The following TRAPPC9 variants were observed in gnomAD, a reference collection of about 807,000 sequenced individuals.
TRAPPC9 encodes trafficking protein particle complex subunit 9.
In TRAPPC9, 83 loss-of-function variants were observed where a neutral mutation model predicts 124.0. The observed-to-expected ratio is 0.67, with a 90% CI of 0.56 to 0.80. The LOEUF is 0.80. TRAPPC9 is among the 30% of genes least tolerant of loss of function. TRAPPC9 has a pLI of 0.00. For synonymous variants in TRAPPC9, 638 were observed against 617.5 expected (o/e 1.03, Z -0.49); for missense variants, 1,302 against 1,508.3 (o/e 0.86, Z 2.27).
Position 140,349,989 on chromosome 8 carries a change from A to G in TRAPPC9, c.1495+10061T>C, listed in dbSNP as rs190382252. On this transcript the variant is annotated intron_variant, in intron 9 of 22. Coordinates refer to ENST00000438773, the MANE Select transcript of TRAPPC9 (RefSeq NM_001160372.4). ...AACCAAGCCTTGCTCTGATTAAGTA[A>G]TCCTTCCCTTAACTCCCTTTTCTAA... is the stretch of plus-strand genomic sequence containing the variant. 1.9e-3 allele frequency among the ~76,000 whole-genome samples: 286 copies of G among 152,238 alleles called. 4 individuals carry two copies. The highest frequency in any genetic ancestry group is 5.6e-4 in the Non-Finnish European group (38 of 68,004).
chr8:139,927,194 G>T (rs776263430), intron 19 of TRAPPC9, among the ~76,000 whole-genome samples: 32 of 152,080 alleles, frequency 2.1e-4, no homozygotes, highest in Non-Finnish European at 4.0e-4. Context: ...GGAAGAACGA[G>T]AACTCTCACA....
chr8:140,182,071 T>C lies in TRAPPC9; in HGVS notation c.2556+39388A>G, dbSNP rs181622549. Among the ~76,000 whole-genome samples, 71 of 152,272 alleles carry C rather than the reference T, an allele frequency of 4.7e-4. No homozygotes were observed. The highest frequency in any genetic ancestry group is 1.7e-3 in the African/African-American group (69 of 41,558). On this transcript the variant is annotated intron_variant, in intron 17 of 22. Coordinates refer to ENST00000438773, the MANE Select transcript of TRAPPC9 (RefSeq NM_001160372.4). This position sits in a 1 kb window ranked among gnomAD's most constrained non-coding sequence, Gnocchi z 4.0. ...CAGGGAGCTGCAGCCTGAACTCCCT[T>C]CTTTACATCAGCATACAAGCCTAGT...
intron 9 of TRAPPC9, among the ~76,000 whole-genome samples, chr8:140,354,266 A>G (rs541490445): frequency 3.1e-4 from 47 of 152,276 alleles, no homozygotes; most frequent in African/African-American, 1.0e-3. Flanking sequence ...GCTTCAGAGG[A>G]TGACAGCTCC....
chr8:139,909,203 A>G (rs1831552774), intron 20 of TRAPPC9, among the ~76,000 whole-genome samples: 1 of 152,182 alleles, frequency 6.6e-6, no homozygotes, highest in South Asian at 2.1e-4. Flanking sequence ...CATGACTGAG[A>G]TCATTAACAG....
At chr8:139,881,685 G>GA (rs201467555) in intron 21 of TRAPPC9, among the ~76,000 whole-genome samples, 1,091 of 101,842 alleles carry the variant, frequency 0.011, 6 homozygotes, top group Middle Eastern at 0.061. Flanking sequence ...CTCTATGCCA[G>GA]AAAAAAACAG....
At chr8:140,207,539 C>T (rs77727495) in intron 17 of TRAPPC9, among the ~76,000 whole-genome samples, 2,818 of 152,228 alleles carry the variant, frequency 0.019, 78 homozygotes, top group African/African-American at 0.064. Context: ...GGTTTTTTTC[C>T]TACTGTCTTC....
chr8:139,952,102 C>T (rs2131511677), intron 19 of TRAPPC9, among the ~76,000 whole-genome samples: 1 of 152,278 alleles, frequency 6.6e-6, no homozygotes, highest in East Asian at 1.9e-4. Flanking sequence ...CCTTCTTACC[C>T]ACAACTTAAG....
intron 21 of TRAPPC9, among the ~76,000 whole-genome samples, chr8:139,789,475 C>G (rs377646824): frequency 1.3e-5 from 2 of 152,188 alleles, no homozygotes; most frequent in African/African-American, 2.4e-5. Flanking sequence ...CCTCATCCCC[C>G]CCCAGGATAT....
chr8:140,407,655 G>C (rs1289357019), intron 5 of TRAPPC9, among the ~76,000 whole-genome samples: 1 of 152,142 alleles, frequency 6.6e-6, no homozygotes, highest in Admixed American at 6.6e-5. Context: ...CCAGGCTGGA[G>C]TGCAGTGGTA....
chr8:139,872,281 T>C (rs75243961), intron 21 of TRAPPC9, among the ~76,000 whole-genome samples: 33,954 of 144,170 alleles, frequency 0.24, 4,750 homozygotes, highest in Admixed American at 0.33. Flanking sequence ...GATGGATGGA[T>C]GGATGGGCGG....
At chr8:140,134,438 G>T (rs2061263464) in intron 17 of TRAPPC9, among the ~76,000 whole-genome samples, 1 of 152,096 alleles carries the variant, frequency 6.6e-6, no homozygotes, top group Non-Finnish European at 1.5e-5. Context: ...GCTAATTTTT[G>T]TGTTTTTAGT....
chr8:140,351,352 T>C (rs1003956300), intron 9 of TRAPPC9, among the ~76,000 whole-genome samples: 1 of 148,008 alleles, frequency 6.8e-6, no homozygotes, highest in Admixed American at 7.1e-5. Flanking sequence ...GGGAAAAAAT[T>C]GCATCTGTGC....
chr8:140,193,535 T>C (rs531977757), intron 17 of TRAPPC9, among the ~76,000 whole-genome samples: 2 of 150,536 alleles, frequency 1.3e-5, no homozygotes, highest in Non-Finnish European at 2.9e-5. Flanking sequence ...ACTGGCAAGT[T>C]TAAGAAGTTC....
chr8:140,008,745 T>C (rs1321186035), intron 18 of TRAPPC9, among the ~76,000 whole-genome samples: 1 of 152,250 alleles, frequency 6.6e-6, no homozygotes, highest in Non-Finnish European at 1.5e-5. Context: ...AGATACAGAA[T>C]GGTTTTTTTA....
intron 17 of TRAPPC9, among the ~76,000 whole-genome samples, chr8:140,194,317 A>T (rs1201838250): frequency 6.6e-6 from 1 of 151,134 alleles, no homozygotes; most frequent in Non-Finnish European, 1.5e-5. Flanking sequence ...CTTGGATACC[A>T]AAACTGCTCA....
chr8:139,762,462 C>T (rs1036106943), intron 21 of TRAPPC9, among the ~76,000 whole-genome samples: 8 of 152,124 alleles, frequency 5.3e-5, no homozygotes, highest in South Asian at 2.1e-4. Flanking sequence ...CTCTACACAC[C>T]GAGGCCGTGT....
At chr8:140,193,622 G>GAAA (rs72383095) in intron 17 of TRAPPC9, among the ~76,000 whole-genome samples, 19 of 77,294 alleles carry the variant, frequency 2.5e-4, no homozygotes, top group East Asian at 1.0e-3. Flanking sequence ...TGTACTTTCA[G>GAAA]AAAAAAAAAA....
intron 5 of TRAPPC9, 140 bp from the exon 6 acceptor site, chr8:140,405,838 T>C (rs945251206): frequency 4.3e-6 from 4 of 922,436 alleles, no homozygotes; most frequent in Non-Finnish European, 6.7e-6. Flanking sequence ...CTTCACAGCT[T>C]ATATGCTTCC....
intron 15 of TRAPPC9, among the ~76,000 whole-genome samples, chr8:140,266,921 C>T (rs141374996): frequency 7.2e-4 from 109 of 152,244 alleles, no homozygotes; most frequent in African/African-American, 2.5e-3. Context: ...CAGGGACACA[C>T]TCACCCCATA....
Sources: gnomAD v4.1 joint callset for allele counts (sites outside exome capture counted in the v4.1 genomes callset) on GRCh38, gnomAD v4.1.1 for gene constraint, Gnocchi (gnomAD v3.1) non-coding constraint, MANE v1.5 for transcripts, NCBI Gene and HGNC (gene_info 2026-07-23, HGNC 2026-07-21) for gene names.